DNAJC1: variants seen among roughly 807,000 people sequenced by gnomAD.
DNAJC1 encodes DnaJ heat shock protein family (Hsp40) member C1.
A neutral mutation model predicts 76.6 loss-of-function variants in DNAJC1; 58 were observed. The observed-to-expected ratio is 0.76, with a 90% CI of 0.61 to 0.94. The LOEUF is 0.94. Among genes scored for constraint, DNAJC1 ranks in the 40% least tolerant of loss-of-function variants. The pLI, the probability that DNAJC1 is intolerant of heterozygous loss-of-function variation, is 0.00. For missense variants in DNAJC1, 689 were observed against 677.3 expected, an observed-to-expected ratio of 1.02 and a Z score of -0.19; for synonymous variants, 258 against 267.9, an observed-to-expected ratio of 0.96 and a Z score of 0.36.
intron 9 of DNAJC1, among the ~76,000 whole-genome samples, chr10:21,802,683 T>A (rs1323812408): frequency 6.6e-6 from 1 of 152,138 alleles, no homozygotes; most frequent in African/African-American, 2.4e-5. Context: ...CAGTCTGTTA[T>A]CACAACCAGA....
chr10:21,898,886 C>T (rs1313670020), intron 7 of DNAJC1, among the ~76,000 whole-genome samples: 2 of 151,300 alleles, frequency 1.3e-5, no homozygotes, highest in South Asian at 2.1e-4. Context: ...CAGTCTACAA[C>T]GCTCAGAGAG....
At chr10:21,775,631 CT>C (rs1834445303) in intron 9 of DNAJC1, among the ~76,000 whole-genome samples, 1 of 152,082 alleles carries the variant, frequency 6.6e-6, no homozygotes, top group East Asian at 1.9e-4. Context: ...ATCTGAATGA[CT>C]TTCAGTAAAG....
At position 21,756,690 on chromosome 10, in the gene DNAJC1, G is replaced by A; in HGVS notation, c.1662C>T (p.Ser554=). Residue 554 remains serine (S), a synonymous_variant, in exon 12 of 12, where the codon AGC becomes AGT. Coordinates refer to ENST00000376980, the MANE Select transcript of DNAJC1 (RefSeq NM_022365.4). ...TGAACATCATCTCCCAGAATATTCA[G>A]CTTTTAGCTTGTTTTTTCTTTTGGA... The part of the protein sequence containing the change: ...ELVQKKKQAK[S] 6.2e-7 allele frequency: 1 copy of A among 1,610,710 alleles called. No homozygotes were observed.
intron 8 of DNAJC1, among the ~76,000 whole-genome samples, chr10:21,878,614 T>G (rs1407375353): frequency 6.6e-6 from 1 of 152,234 alleles, no homozygotes; most frequent in East Asian, 1.9e-4. Context: ...CCTAACTTTT[T>G]CTTAATTTTT....
chr10:21,839,188 G>C (rs997225302), intron 8 of DNAJC1, among the ~76,000 whole-genome samples: 1 of 152,138 alleles, frequency 6.6e-6, no homozygotes, highest in Non-Finnish European at 1.5e-5. Context: ...ACAATTAAAA[G>C]AACTAGAAAA....
intron 8 of DNAJC1, among the ~76,000 whole-genome samples, chr10:21,852,092 TAC>T (rs58289439): frequency 0.05 from 7,339 of 146,046 alleles, 180 homozygotes; most frequent in Non-Finnish European, 0.056. Context: ...AATTGTGAGA[TAC>T]ACACACACAC....
chr10:21,775,247 C>T (rs890808969), intron 9 of DNAJC1, among the ~76,000 whole-genome samples: 1 of 151,376 alleles, frequency 6.6e-6, no homozygotes, highest in Non-Finnish European at 1.5e-5. Context: ...CTGTGTGGTC[C>T]AATGATAATA....
At chr10:21,892,435 CTG>C (rs1238108712) in intron 7 of DNAJC1, among the ~76,000 whole-genome samples, 1 of 149,080 alleles carries the variant, frequency 6.7e-6, no homozygotes, top group African/African-American at 2.5e-5. Flanking sequence ...GAAATTCTAT[CTG>C]TAATAGAGAA....
At chr10:21,990,903 G>A (rs1474125040) in intron 1 of DNAJC1, among the ~76,000 whole-genome samples, 3 of 152,032 alleles carry the variant, frequency 2.0e-5, no homozygotes, top group Admixed American at 6.6e-5. Flanking sequence ...AATTACAAAA[G>A]GTAAAGGCAA....
intron 8 of DNAJC1, among the ~76,000 whole-genome samples, chr10:21,856,041 G>C (rs1050539403): frequency 6.6e-6 from 1 of 152,108 alleles, no homozygotes; most frequent in African/African-American, 2.4e-5. Flanking sequence ...TATTTATAAT[G>C]AACAATATTA....
intron 1 of DNAJC1, among the ~76,000 whole-genome samples, chr10:21,990,074 T>C (rs1162370375): frequency 6.6e-6 from 1 of 152,236 alleles, no homozygotes; most frequent in East Asian, 1.9e-4. Context: ...TGCACAACTA[T>C]ACACGGGGTG....
chr10:21,993,616 C>T (rs1838363750), intron 1 of DNAJC1, among the ~76,000 whole-genome samples: 1 of 152,046 alleles, frequency 6.6e-6, no homozygotes, highest in African/African-American at 2.4e-5. Context: ...ACTCCATTTT[C>T]ATTTATATTT....
chr10:21,876,476 G>C (rs1836189416), intron 8 of DNAJC1, among the ~76,000 whole-genome samples: 1 of 152,094 alleles, frequency 6.6e-6, no homozygotes, highest in Non-Finnish European at 1.5e-5. Flanking sequence ...AATACAATTT[G>C]AATGTCAATT....
At chr10:21,826,306 G>C (rs941236820) in intron 8 of DNAJC1, among the ~76,000 whole-genome samples, 5 of 149,890 alleles carry the variant, frequency 3.3e-5, no homozygotes, top group Admixed American at 3.3e-4. Context: ...CATTCTGTGG[G>C]GTGCATTTTT....
intron 8 of DNAJC1, among the ~76,000 whole-genome samples, chr10:21,841,020 C>T (rs1245553940): frequency 1.3e-5 from 2 of 152,094 alleles, no homozygotes; most frequent in Admixed American, 6.6e-5. Context: ...CCCTATTTAA[C>T]AAATGGTGCT....
At chr10:21,979,315 C>G (rs1838114082) in intron 1 of DNAJC1, among the ~76,000 whole-genome samples, 2 of 151,980 alleles carry the variant, frequency 1.3e-5, no homozygotes, top group African/African-American at 4.8e-5. Flanking sequence ...CCTTCATTTT[C>G]AAAAGGGCTC....
Position 21,835,374 on chromosome 10 carries a change from G to A in DNAJC1, c.979-29275C>T, listed in dbSNP as rs1214162309. 2.6e-5 allele frequency among the ~76,000 whole-genome samples: 4 copies of A among 152,018 alleles called. No individual in the cohort carries two copies. The East Asian group carries it at 7.7e-4, about 29-fold the overall frequency. ...AAGGTAGATAAAACCACAAAGATGG[G>A]AAAAAAACAGAGCAGAAAAACTGGA... On this transcript the variant is annotated intron_variant, in intron 8 of 11. Coordinates refer to ENST00000376980, the MANE Select transcript of DNAJC1 (RefSeq NM_022365.4).
intron 1 of DNAJC1, among the ~76,000 whole-genome samples, chr10:21,967,288 T>C (rs895488953): frequency 2.6e-5 from 4 of 152,220 alleles, no homozygotes; most frequent in Admixed American, 2.0e-4. Context: ...TTTCATACAA[T>C]ATGCAGTCTT....
At chr10:21,828,643 T>A (rs1037237387) in intron 8 of DNAJC1, among the ~76,000 whole-genome samples, 5 of 152,192 alleles carry the variant, frequency 3.3e-5, no homozygotes, top group Admixed American at 3.3e-4. Context: ...GATTATTAAT[T>A]CATAATCAAT....
Sources: allele counts gnomAD v4.1 joint callset (sites outside exome capture counted in the v4.1 genomes callset), GRCh38; gene constraint gnomAD v4.1.1; transcripts MANE v1.5; gene names NCBI Gene and HGNC (gene_info 2026-07-23, HGNC 2026-07-21).